The following CHRM5 variants were observed in gnomAD, a reference collection of about 807,000 sequenced individuals.
CHRM5 encodes muscarinic acetylcholine receptor M5.
In CHRM5, 18 loss-of-function variants were observed where a neutral mutation model predicts 39.0. That is an observed-to-expected ratio of 0.46 (90% CI 0.32 to 0.68). CHRM5 has a LOEUF of 0.68. Ranked by LOEUF, CHRM5 falls within the 30% of genes least tolerant of loss-of-function variation. The probability of loss-of-function intolerance (pLI) is 0.04; values close to 1 mark genes in which losing one functional copy is unlikely to be tolerated. For synonymous variants in CHRM5, 241 were observed against 246.3 expected (o/e 0.98, Z 0.20); for missense variants, 515 against 651.1 (o/e 0.79, Z 2.28).
At chr15:34,050,086 C>T (rs1180458249) in intron 2 of CHRM5, among the ~76,000 whole-genome samples, 2 of 151,848 alleles carry the variant, frequency 1.3e-5, no homozygotes, top group Non-Finnish European at 2.9e-5. Context: ...TGGGGTTTCA[C>T]CTTGTTGGTC....
At chr15:34,056,002 G>A (rs1414675061) in intron 2 of CHRM5, among the ~76,000 whole-genome samples, 4 of 152,090 alleles carry the variant, frequency 2.6e-5, no homozygotes, top group Non-Finnish European at 5.9e-5. Flanking sequence ...ACATGTGTGA[G>A]CCACCACACC....
rs970455734 is a variant in CHRM5, at chr15:33,968,905, T to C, written c.-653T>C. Reference sequence around the variant, plus strand: ...TGTTTGTGATCAGATCAACTGCTGTTACCAGATAAAGGCAAAACTCACCCT... The same window carrying C: ...TGTTTGTGATCAGATCAACTGCTGTCACCAGATAAAGGCAAAACTCACCCT... On this transcript the variant is annotated 5_prime_UTR_variant, in exon 1 of 3. Coordinates refer to ENST00000383263, the MANE Select transcript of CHRM5 (RefSeq NM_012125.4). 6.6e-6 allele frequency: 1 copy of C among 152,130 alleles called. No individual in the cohort carries two copies. Among genetic ancestry groups the C allele is most frequent in the Non-Finnish European group, 1.5e-5 (1 of 67,966 alleles). 9.4% of individuals were successfully genotyped at this position (152,130 alleles called of 1,614,324 possible).
intron 1 of CHRM5, chr15:34,018,398 T>TCGAGTTTCTTCCTTCCGGTGGGTTCGTGG: frequency 6.6e-6 from 1 of 152,244 alleles, no homozygotes; most frequent in Non-Finnish European, 1.5e-5. Flanking sequence ...TTCAGATGTG[T>TCGAGTTTCTTCCTTCCGGTGGGTTCGTGG]CGAGTTTCTT....
chr15:34,054,115 A>T (rs1396241601), intron 2 of CHRM5, among the ~76,000 whole-genome samples: 1 of 152,208 alleles, frequency 6.6e-6, no homozygotes, highest in African/African-American at 2.4e-5. Context: ...ATGCAAATCA[A>T]AAACACAATG....
At chr15:34,004,519 A>AT (rs1897259042) in intron 1 of CHRM5, among the ~76,000 whole-genome samples, 1 of 152,216 alleles carries the variant, frequency 6.6e-6, no homozygotes, top group African/African-American at 2.4e-5. Context: ...GAAAAAGTAA[A>AT]TAATGACTGG....
intron 1 of CHRM5, among the ~76,000 whole-genome samples, chr15:34,017,491 T>TTG (rs1555516596): frequency 1.1e-5 from 1 of 87,238 alleles, no homozygotes; most frequent in South Asian, 4.0e-4. Flanking sequence ...TTTGTTTTTT[T>TTG]TTTTTTTTTG....
At position 34,064,229 on chromosome 15, in the gene CHRM5, G is replaced by C. The variant is rs1165318205; in HGVS notation, c.1512G>C (p.Lys504Asn). Residue 504 changes from lysine (K) to asparagine (N), a missense_variant, in exon 3 of 3, where the codon AAG (lysine) becomes AAC (asparagine). By Grantham distance (94) the Lys-to-Asn change is moderately conservative. Transcript: ENST00000383263. ...CYALCNRTFR[K>N]TFKMLLLCRW... is the part of the protein sequence containing the mutation. ...CCCTCTGCAACAGAACCTTCAGGAA[G>C]ACCTTTAAGATGCTGCTTCTCTGCC... The C allele has an allele frequency of 6.2e-7, 1 of 1,614,150 alleles. No homozygotes were observed. Among genetic ancestry groups the C allele is most frequent in the Middle Eastern group, 1.6e-4 (1 of 6,062 alleles).
At chr15:33,984,582 A>C (rs1206514558) in intron 1 of CHRM5, among the ~76,000 whole-genome samples, 2 of 152,028 alleles carry the variant, frequency 1.3e-5, no homozygotes, top group Non-Finnish European at 2.9e-5. Flanking sequence ...TTGTATTTTC[A>C]GTAGAGACAG....
intron 1 of CHRM5, among the ~76,000 whole-genome samples, chr15:34,037,034 G>A (rs1031448677): frequency 4.6e-5 from 7 of 151,826 alleles, no homozygotes; most frequent in Non-Finnish European, 1.0e-4. Context: ...ACTTGAACCC[G>A]GGAGGCGGAG....
At chr15:34,042,250 C>T (rs1484936164) in intron 1 of CHRM5, among the ~76,000 whole-genome samples, 1 of 152,100 alleles carries the variant, frequency 6.6e-6, no homozygotes, top group Non-Finnish European at 1.5e-5. Context: ...AAACATATGC[C>T]ATTGCATGAA....
chr15:34,048,979 T>A (rs1293008061), intron 2 of CHRM5, among the ~76,000 whole-genome samples: 1 of 152,184 alleles, frequency 6.6e-6, no homozygotes, highest in Non-Finnish European at 1.5e-5. Flanking sequence ...GTTGTCTGAC[T>A]GTTAAAAGAA....
At chr15:34,020,179 T>C (rs534288858) in intron 1 of CHRM5, among the ~76,000 whole-genome samples, 2 of 152,038 alleles carry the variant, frequency 1.3e-5, no homozygotes, top group East Asian at 1.9e-4. Context: ...GGCGTGGTGG[T>C]GGGTGCCTGT....
intron 1 of CHRM5, among the ~76,000 whole-genome samples, chr15:34,024,856 T>G (rs2339351): frequency 0.65 from 95,028 of 146,220 alleles, 35,696 homozygotes; most frequent in Non-Finnish European, 0.85. Context: ...GCAAGACTCC[T>G]TCTCAAAAAA....
chr15:34,061,109 A>G (rs756969990), intron 2 of CHRM5, among the ~76,000 whole-genome samples: 7 of 151,822 alleles, frequency 4.6e-5, no homozygotes, highest in African/African-American at 7.3e-5. Context: ...TGTTGTATGC[A>G]TATATATCTC....
At chr15:34,008,112 GAAAA>G (rs780982534) in intron 1 of CHRM5, among the ~76,000 whole-genome samples, 1 of 151,986 alleles carries the variant, frequency 6.6e-6, no homozygotes, top group Non-Finnish European at 1.5e-5. Context: ...TATCACAGGA[GAAAA>G]AAATAGTCGA....
chr15:34,034,921 T>A (rs1188353131), intron 1 of CHRM5, among the ~76,000 whole-genome samples: 2 of 152,196 alleles, frequency 1.3e-5, no homozygotes, highest in Non-Finnish European at 2.9e-5. Context: ...AGGCTGTCAT[T>A]TCAGTTTGAG....
Position 34,063,611 on chromosome 15 carries a change from G to A in CHRM5, c.894G>A (p.Glu298=), listed in dbSNP as rs747341138. The change falls in exon 3 of 3, where the codon GAG becomes GAA. Residue 298 remains glutamate (E), a synonymous_variant. Coordinates refer to ENST00000383263, the MANE Select transcript of CHRM5 (RefSeq NM_012125.4). This position sits in a 1 kb window ranked among gnomAD's most constrained non-coding sequence, Gnocchi z 4.1. The stretch of plus-strand genomic sequence containing the variant: ...CAAGCGCCAATTGGGCCAAAGCTGA[G>A]CAGCTCACCACCTGTAGCAGCTACC... ...TGPSANWAKA[E]QLTTCSSYPS... 1 of 1,613,994 alleles carries A rather than the reference G, an allele frequency of 6.2e-7. No individual in the cohort carries two copies. The highest frequency in any genetic ancestry group is 1.1e-5 in the South Asian group (1 of 91,084).
intron 1 of CHRM5, among the ~76,000 whole-genome samples, chr15:34,023,446 A>C (rs1597363365): frequency 3.9e-5 from 6 of 152,256 alleles, no homozygotes; most frequent in Admixed American, 3.9e-4. Context: ...ATGATAGCCG[A>C]TACACACCAG....
chr15:33,989,791 T>C (rs1338829029), intron 1 of CHRM5, among the ~76,000 whole-genome samples: 2 of 151,840 alleles, frequency 1.3e-5, no homozygotes, highest in African/African-American at 4.8e-5. Flanking sequence ...TTGCTCTCCT[T>C]CCCAAAACCC....
Sources: allele counts gnomAD v4.1 joint callset (sites outside exome capture counted in the v4.1 genomes callset), GRCh38; gene constraint gnomAD v4.1.1; non-coding constraint Gnocchi (gnomAD v3.1); transcripts MANE v1.5; gene names NCBI Gene and HGNC (gene_info 2026-07-23, HGNC 2026-07-21).